DMD: variants seen among roughly 807,000 people sequenced by gnomAD.
DMD encodes the protein dystrophin.
DMD carries 63 observed loss-of-function variants against 330.1 expected under a neutral mutation model. The observed-to-expected ratio is 0.19, with a 90% CI of 0.16 to 0.24. The LOEUF (loss-of-function observed/expected upper bound fraction) is 0.24, where lower values mean the gene tolerates loss of function less well. Among genes scored for constraint, DMD ranks in the 10% least tolerant of loss-of-function variants. The pLI, the probability that DMD is intolerant of heterozygous loss-of-function variation, is 1.00. For missense variants in DMD, 3,344 were observed against 2,684.1 expected (o/e 1.25, Z -5.43); for synonymous variants, 1,223 against 959.8 (o/e 1.27, Z -5.07).
At chrX:32,405,870 C>T (rs868742931) in intron 30 of DMD, among the ~76,000 whole-genome samples, 4 of 111,877 alleles carry the variant, frequency 3.6e-5, no homozygotes, top group Middle Eastern at 4.6e-3. Context: ...GATATTGACA[C>T]TTCCTACCCA....
At chrX:32,256,266 T>G (rs779946579) in intron 43 of DMD, among the ~76,000 whole-genome samples, 11 of 111,567 alleles carry the variant, frequency 9.9e-5, no homozygotes, top group African/African-American at 3.6e-4. Flanking sequence ...TCTTGATCTT[T>G]GTTGGTTTAA....
chrX:32,308,123 T>C (rs1055932294), intron 42 of DMD, among the ~76,000 whole-genome samples: 1 of 110,700 alleles, frequency 9.0e-6, no homozygotes, highest in Non-Finnish European at 1.9e-5. Flanking sequence ...ATCTGCATAG[T>C]CTCTGTCAAC....
intron 41 of DMD, among the ~76,000 whole-genome samples, chrX:32,323,729 G>C (rs2097634112): frequency 9.0e-6 from 1 of 111,228 alleles, no homozygotes; most frequent in Non-Finnish European, 1.9e-5. Flanking sequence ...AGTGCGGGAA[G>C]AGATGCAGTA....
intron 2 of DMD, among the ~76,000 whole-genome samples, chrX:32,977,949 A>G (rs912429480): frequency 1.1e-4 from 12 of 112,036 alleles, no homozygotes; most frequent in Non-Finnish European, 1.9e-4. Context: ...ATTTTTTTCA[A>G]ATTTCAAAAT....
chrX:32,877,341 G>A (rs754891457), intron 2 of DMD, among the ~76,000 whole-genome samples: 73 of 112,242 alleles, frequency 6.5e-4, no homozygotes, highest in Non-Finnish European at 1.2e-3. Context: ...ATTTTGTTCC[G>A]GAAAAATGTA....
At chrX:32,535,674 G>A (rs5927078) in intron 17 of DMD, among the ~76,000 whole-genome samples, 56,542 of 110,104 alleles carry the variant, frequency 0.51, 11,079 homozygotes, top group African/African-American at 0.7. Context: ...CATCCCCTGC[G>A]CTGCGTCTCA....
chrX:33,338,405 T>A (rs1339354321), intron 1 of DMD, among the ~76,000 whole-genome samples: 1 of 109,326 alleles, frequency 9.1e-6, no homozygotes, highest in African/African-American at 3.3e-5. Context: ...AGAGAAAGGG[T>A]TCTAAAAATC....
intron 44 of DMD, among the ~76,000 whole-genome samples, chrX:32,064,214 T>C (rs12116331): frequency 0.014 from 1,523 of 111,638 alleles, 24 homozygotes; most frequent in African/African-American, 0.043. Flanking sequence ...TCATCACATA[T>C]TCACTATAAG....
chrX:31,347,361 T>C (rs183893088), intron 61 of DMD, among the ~76,000 whole-genome samples: 165 of 108,341 alleles, frequency 1.5e-3, no homozygotes, highest in African/African-American at 5.2e-3. Flanking sequence ...AACTGGATGT[T>C]TGTACCCATT....
At chrX:31,468,827 C>T in intron 59 of DMD, among the ~76,000 whole-genome samples, 1 of 111,724 alleles carries the variant, frequency 9.0e-6, no homozygotes, top group Non-Finnish European at 1.9e-5. Flanking sequence ...TAAGAACTTA[C>T]TTTATGAATC....
intron 50 of DMD, among the ~76,000 whole-genome samples, chrX:31,819,561 C>T (rs1357326160): frequency 2.7e-5 from 3 of 112,942 alleles, no homozygotes; most frequent in African/African-American, 6.4e-5. Context: ...AGGCAGCAGC[C>T]AGCCCCTGGC....
intron 60 of DMD, among the ~76,000 whole-genome samples, chrX:31,435,954 A>G (rs17340756): frequency 0.25 from 27,707 of 110,889 alleles, 4,045 homozygotes; most frequent in African/African-American, 0.54. Context: ...GAAATTGGAG[A>G]CAAGGGCAAA....
chrX:32,987,725 G>A (rs966193387), intron 2 of DMD, among the ~76,000 whole-genome samples: 1 of 110,568 alleles, frequency 9.0e-6, no homozygotes, highest in Non-Finnish European at 1.9e-5. Flanking sequence ...AGTCTCTAAA[G>A]GCACAGGTGA....
intron 43 of DMD, among the ~76,000 whole-genome samples, chrX:32,256,583 GT>G (rs2097300073): frequency 9.0e-6 from 1 of 110,752 alleles, no homozygotes; most frequent in African/African-American, 3.3e-5. Context: ...TTGCCTGTTA[GT>G]TGAGGCAGTT....
intron 42 of DMD, among the ~76,000 whole-genome samples, chrX:32,288,962 A>G (rs896848494): frequency 3.6e-5 from 4 of 111,775 alleles, no homozygotes; most frequent in Admixed American, 9.5e-5. Flanking sequence ...AACCTGGATC[A>G]GTATTCTAAT....
At chrX:32,497,083 A>C (rs1012631452) in intron 19 of DMD, among the ~76,000 whole-genome samples, 19 of 111,969 alleles carry the variant, frequency 1.7e-4, no homozygotes, top group African/African-American at 5.8e-4. Context: ...GATGAGCCAG[A>C]CTGACCATAA....
chrX:33,062,050 G>C (rs2094587505), intron 1 of DMD, among the ~76,000 whole-genome samples: 1 of 112,194 alleles, frequency 8.9e-6, no homozygotes, highest in Non-Finnish European at 1.9e-5. Context: ...TCATAGATCT[G>C]TAAGTATTGT....
At chrX:32,177,936 T>C (rs2096911947) in intron 44 of DMD, among the ~76,000 whole-genome samples, 1 of 110,803 alleles carries the variant, frequency 9.0e-6, no homozygotes, top group African/African-American at 3.3e-5. Context: ...GCTGACAGGA[T>C]TTTGGTAGAG....
intron 45 of DMD, among the ~76,000 whole-genome samples, chrX:31,949,044 G>A (rs2095125049): frequency 1.8e-5 from 2 of 111,365 alleles, no homozygotes; most frequent in Admixed American, 1.9e-4. Flanking sequence ...TTGAAATCAG[G>A]TAATGTCCTG....
Sources: allele counts gnomAD v4.1 joint callset (sites outside exome capture counted in the v4.1 genomes callset), GRCh38; gene constraint gnomAD v4.1.1; transcripts MANE v1.5; gene names NCBI Gene and HGNC (gene_info 2026-07-23, HGNC 2026-07-21).